ERBB4: variants seen among roughly 807,000 people sequenced by gnomAD.
ERBB4 encodes erb-b2 receptor tyrosine kinase 4.
A neutral mutation model predicts 158.0 loss-of-function variants in ERBB4; 42 were observed. The observed-to-expected ratio is 0.27, with a 90% CI of 0.21 to 0.34. The LOEUF is 0.34. Among genes scored for constraint, ERBB4 ranks in the 10% least tolerant of loss-of-function variants. ERBB4 has a pLI of 1.00. For synonymous variants in ERBB4, 583 were observed against 558.7 expected (o/e 1.04, Z -0.61); for missense variants, 1,333 against 1,624.1 (o/e 0.82, Z 3.08).
intron 3 of ERBB4, among the ~76,000 whole-genome samples, chr2:211,850,220 T>A (rs531364638): frequency 6.6e-6 from 1 of 151,870 alleles, no homozygotes; most frequent in Non-Finnish European, 1.5e-5. Context: ...AATGCAATGC[T>A]TTGTCTGGGT....
At chr2:211,771,141 C>A (rs2075681180) in intron 4 of ERBB4, among the ~76,000 whole-genome samples, 1 of 152,186 alleles carries the variant, frequency 6.6e-6, no homozygotes, top group Non-Finnish European at 1.5e-5. Context: ...GTCAGATTCT[C>A]TTCTTTAAAC....
At chr2:211,881,403 T>G (rs921878524) in intron 3 of ERBB4, among the ~76,000 whole-genome samples, 3 of 152,136 alleles carry the variant, frequency 2.0e-5, no homozygotes, top group African/African-American at 7.2e-5. Flanking sequence ...CAAACATCGA[T>G]AAGCAAGCTT....
intron 1 of ERBB4, among the ~76,000 whole-genome samples, chr2:212,132,166 C>T (rs1398348404): frequency 6.6e-6 from 1 of 152,164 alleles, no homozygotes; most frequent in African/African-American, 2.4e-5. Context: ...AAAGACTTCA[C>T]TTTTTCTTCT....
At chr2:211,871,219 C>A (rs1415801042) in intron 3 of ERBB4, among the ~76,000 whole-genome samples, 1 of 152,058 alleles carries the variant, frequency 6.6e-6, no homozygotes, top group Admixed American at 6.6e-5. Flanking sequence ...TTTAAGCTGC[C>A]AAAAGATATT....
At chr2:211,640,127 T>C (rs936043941) in intron 16 of ERBB4, among the ~76,000 whole-genome samples, 2 of 152,162 alleles carry the variant, frequency 1.3e-5, no homozygotes, top group Admixed American at 6.5e-5. Context: ...TACTTTAGAT[T>C]CCCCAATCCT....
At chr2:212,123,263 C>A (rs370001521) in intron 2 of ERBB4, among the ~76,000 whole-genome samples, 11 of 152,140 alleles carry the variant, frequency 7.2e-5, no homozygotes, top group African/African-American at 9.7e-5. Context: ...ATTAGCCGGG[C>A]GTGGCGGCAT....
intron 4 of ERBB4, among the ~76,000 whole-genome samples, chr2:211,780,606 G>T (rs1432092529): frequency 6.6e-6 from 1 of 152,136 alleles, no homozygotes; most frequent in Admixed American, 6.5e-5. Context: ...TGTGGGTCAG[G>T]TGCAAGTCCT....
chr2:211,848,899 C>T (rs745496508), intron 3 of ERBB4, among the ~76,000 whole-genome samples: 19 of 152,106 alleles, frequency 1.2e-4, no homozygotes, highest in Non-Finnish European at 2.1e-4. Context: ...ACATTTGTCA[C>T]TCCTTATTCT....
chr2:212,356,146 T>C (rs1016388784), intron 1 of ERBB4, among the ~76,000 whole-genome samples: 2 of 152,062 alleles, frequency 1.3e-5, no homozygotes, highest in African/African-American at 4.8e-5. Flanking sequence ...GCTGATTCTA[T>C]TAACAAACCC....
chr2:211,662,038 CAAAAAAAAAAAAAAAAAAAAAA>C (rs61318918), intron 15 of ERBB4, among the ~76,000 whole-genome samples: 95 of 39,702 alleles, frequency 2.4e-3, no homozygotes, highest in African/African-American at 5.5e-3. Flanking sequence ...GACTCCGTCT[CAAAAAAAAAAAAAAAAAAAAAA>C]AAAAAAAAAA....
chr2:211,592,039 T>C (rs887317066), intron 19 of ERBB4, among the ~76,000 whole-genome samples: 4 of 152,274 alleles, frequency 2.6e-5, no homozygotes, highest in African/African-American at 9.6e-5. Flanking sequence ...CTTTTATACT[T>C]TGGTTTAGAA....
intron 3 of ERBB4, among the ~76,000 whole-genome samples, chr2:211,882,799 A>C (rs78899343): frequency 0.014 from 2,092 of 152,308 alleles, 59 homozygotes; most frequent in African/African-American, 0.048. Flanking sequence ...CTAACAATTG[A>C]AGAGACTGAC....
intron 2 of ERBB4, among the ~76,000 whole-genome samples, chr2:211,953,327 T>C (rs993541652): frequency 2.6e-5 from 4 of 151,912 alleles, no homozygotes; most frequent in Non-Finnish European, 5.9e-5. Flanking sequence ...GGCACATGTA[T>C]ACCTATGTAA....
intron 3 of ERBB4, among the ~76,000 whole-genome samples, chr2:211,939,548 C>CTTGAGGCTGCCTCCTCTAACTAAA: frequency 6.6e-6 from 1 of 152,100 alleles, no homozygotes; most frequent in African/African-American, 2.4e-5. Context: ...TTCTGCCAAG[C>CTTGAGGCTGCCTCCTCTAACTAAA]TTGAGGCTGC....
chr2:212,485,044 A>G (rs1201917333), intron 1 of ERBB4, among the ~76,000 whole-genome samples: 1 of 152,196 alleles, frequency 6.6e-6, no homozygotes, highest in Non-Finnish European at 1.5e-5. Flanking sequence ...ATTTTATCCT[A>G]GAGGGAACAG....
chr2:211,758,467 C>T (rs1199287297), intron 4 of ERBB4, among the ~76,000 whole-genome samples: 1 of 152,162 alleles, frequency 6.6e-6, no homozygotes, highest in South Asian at 2.1e-4. Context: ...CCAAACCAGG[C>T]ACTTTTAAAG....
At chr2:211,583,424 T>A (rs183209169) in intron 19 of ERBB4, among the ~76,000 whole-genome samples, 2 of 151,994 alleles carry the variant, frequency 1.3e-5, no homozygotes, top group African/African-American at 4.8e-5. Context: ...GCCAAACACA[T>A]CAATAAAATG....
chr2:211,838,794 C>G (rs1484531499), intron 3 of ERBB4, among the ~76,000 whole-genome samples: 1 of 152,038 alleles, frequency 6.6e-6, no homozygotes, highest in Non-Finnish European at 1.5e-5. Context: ...ACTAACGGGT[C>G]TGTATTGGAG....
intron 1 of ERBB4, among the ~76,000 whole-genome samples, chr2:212,399,761 C>T (rs1399271437): frequency 1.6e-4 from 24 of 149,870 alleles, no homozygotes; most frequent in African/African-American, 5.2e-4. Context: ...TGCCTGTAGT[C>T]CCAGCTGCTC....
Sources: allele counts gnomAD v4.1 joint callset (sites outside exome capture counted in the v4.1 genomes callset), GRCh38; gene constraint gnomAD v4.1.1; transcripts MANE v1.5; gene names NCBI Gene and HGNC (gene_info 2026-07-23, HGNC 2026-07-21).